Variants in APOC3 observed in about 807,000 individuals in gnomAD.
APOC3 encodes apolipoprotein C3, also known as apolipoprotein C-III.
Under a neutral mutation model 7.3 loss-of-function variants are expected in APOC3, and 6 were observed. The ratio of observed to expected loss-of-function variants is 0.82; its 90% CI spans 0.45 to 1.61. The LOEUF (loss-of-function observed/expected upper bound fraction) is 1.61, where lower values mean the gene tolerates loss of function less well. Among genes scored for constraint, APOC3 ranks in the 40% most tolerant of loss-of-function variants. The pLI is 0.01. For synonymous variants in APOC3, 45 were observed against 51.2 expected (o/e 0.88, Z 0.52); for missense variants, 123 against 124.9 (o/e 0.98, Z 0.07).
intron 3 of APOC3, among the ~76,000 whole-genome samples, chr11:116,831,954 C>T (rs375928164): frequency 2.0e-5 from 3 of 152,348 alleles, no homozygotes; most frequent in South Asian, 2.1e-4. Context: ...CCACTCACTT[C>T]GTGCTGTGCA....
At chr11:116,831,022 C>A in intron 3 of APOC3, 126 bp downstream of exon 3, 3 of 1,171,346 alleles carry the variant, frequency 2.6e-6, no homozygotes, top group Non-Finnish European at 3.6e-6. Flanking sequence ...TGTGCCTCTT[C>A]AGCCTCCTCT....
At chr11:116,831,285 T>TTC (rs1555055916) in intron 3 of APOC3, among the ~76,000 whole-genome samples, 1 of 66,286 alleles carries the variant, frequency 1.5e-5, no homozygotes, top group Non-Finnish European at 2.9e-5. Flanking sequence ...CTTTCTTTCC[T>TTC]TTCTTTCTTT....
At chr11:116,832,254 C>T (rs1941470939) in intron 3 of APOC3, among the ~76,000 whole-genome samples, 1 of 152,168 alleles carries the variant, frequency 6.6e-6, no homozygotes, top group South Asian at 2.1e-4. Flanking sequence ...TCCCCAGAAC[C>T]GGCTTTGGGG....
At chr11:116,831,189 A>ATTTC (rs1210737487) in intron 3 of APOC3, 4,023 of 147,350 alleles carry the variant, frequency 0.027, 63 homozygotes, top group Admixed American at 0.04. Context: ...TTCTCTTTCT[A>ATTTC]TTTCTTTCTT....
chr11:116,830,449 G>C, intron 1 of APOC3, 121 bp from the exon 2 acceptor site: 1 of 1,020,660 alleles, frequency 9.8e-7, no homozygotes. Context: ...GCAGGGAGCC[G>C]GCCCCTACTC....
At chr11:116,831,204 T>C (rs1941447458) in intron 3 of APOC3, 1 of 105,524 alleles carries the variant, frequency 9.5e-6, no homozygotes, top group Non-Finnish European at 2.0e-5. Context: ...TTTCTTTCTT[T>C]CTTTCTTTCT....
chr11:116,830,700 A>G lies in APOC3; in HGVS notation c.55+63A>G, dbSNP rs12721093. On this transcript the variant is annotated intron_variant, in intron 2 of 3. Coordinates refer to ENST00000227667, the MANE Select transcript of APOC3 (RefSeq NM_000040.3). ...AGGCAACTTGGGGATCCCAGTCCCAATGGGTGGTCAAGCAGGAGCCCAGGG... is the reference window on the plus strand; with the variant it reads ...AGGCAACTTGGGGATCCCAGTCCCAGTGGGTGGTCAAGCAGGAGCCCAGGG... 1,291 of 1,613,036 alleles carry G rather than the reference A, an allele frequency of 8.0e-4. 11 individuals are homozygous for G. Among genetic ancestry groups the G allele is most frequent in the Non-Finnish European group, 3.9e-4 (462 of 1,179,800 alleles).
At position 116,830,657 on chromosome 11, in the gene APOC3, G is replaced by C; in HGVS notation, c.55+20G>C. 6.2e-7 allele frequency: 1 copy of C among 1,613,776 alleles called. No individual in the cohort carries two copies. ...CTGCCCGTAAGCACTTGGTGGGACTGGGCTGGGGGCAGGGTGGAGGCAACT... is the reference window on the plus strand; with the variant it reads ...CTGCCCGTAAGCACTTGGTGGGACTCGGCTGGGGGCAGGGTGGAGGCAACT... On this transcript the variant is annotated intron_variant, in intron 2 of 3. Transcript: ENST00000227667.
At chr11:116,832,686 G>A in intron 3 of APOC3, 78 bp from the exon 4 acceptor site, 5 of 1,601,598 alleles carry the variant, frequency 3.1e-6, no homozygotes, top group South Asian at 1.1e-5. Context: ...CGTCCAGTGG[G>A]GACATGGGTG....
Position 116,832,872 on chromosome 11 carries a change from C to T in APOC3, c.288C>T (p.Ala96=), listed in dbSNP as rs144573427. Residue 96 remains alanine (A), a synonymous_variant, in exon 4 of 4, where the codon GCC becomes GCT. Transcript: ENST00000227667. ...DLDPEVRPTS[A]VAA is the part of the protein sequence containing the mutation. ...ACCCTGAGGTCAGACCAACTTCAGC[C>T]GTGGCTGCCTGAGACCTCAATACCC... is the stretch of plus-strand genomic sequence containing the variant. 1.7e-5 allele frequency: 27 copies of T among 1,613,810 alleles called. No homozygotes were observed. The highest frequency in any genetic ancestry group is 1.7e-4 in the Admixed American group (10 of 60,016).
Position 116,831,234 on chromosome 11 carries a change from TTTCTTTC to T in APOC3, c.179+341_179+347del, listed in dbSNP as rs1220121699. The T allele has an allele frequency of 2.9e-5, 5 of 174,194 alleles. No homozygotes were observed. In the South Asian group the frequency reaches 8.8e-4, roughly 31 times the overall value. 10.8% of individuals were successfully genotyped at this position (174,194 alleles called of 1,614,324 possible). A position where few individuals can be genotyped will look rare whatever the true frequency, so the allele number is the denominator to read the frequency against. On this transcript the variant is annotated intron_variant, in intron 3 of 3. Transcript: ENST00000227667. ...CTTTCTTTCTTTCTTTCTTTCTTTC[TTTCTTTC>T]TTTCTTTCTTTCTTTCCTTTCTTTC...
At chr11:116,831,943 A>G (rs896020471) in intron 3 of APOC3, among the ~76,000 whole-genome samples, 2 of 152,134 alleles carry the variant, frequency 1.3e-5, no homozygotes, top group Admixed American at 6.5e-5. Flanking sequence ...TCACTCACCC[A>G]CCACTCACTT....
In APOC3 at chr11:116,830,843, C is replaced by G; in HGVS notation, c.126C>G (p.Thr42=). The G allele has an allele frequency of 3.1e-6, 5 of 1,613,256 alleles. No individual in the cohort carries two copies. Among genetic ancestry groups the G allele is most frequent in the Non-Finnish European group, 4.2e-6 (5 of 1,179,962 alleles). Reference sequence around the variant, plus strand: ...GTTACATGAAGCACGCCACCAAGACCGCCAAGGATGCACTGAGCAGCGTGC... The same window carrying G: ...GTTACATGAAGCACGCCACCAAGACGGCCAAGGATGCACTGAGCAGCGTGC... ...MQGYMKHATK[T]AKDALSSVQE... The change falls in exon 3 of 4, where the codon ACC becomes ACG. Residue 42 remains threonine, a synonymous_variant. Coordinates refer to ENST00000227667, the MANE Select transcript of APOC3 (RefSeq NM_000040.3).
At chr11:116,831,763 G>A (rs1439601905) in intron 3 of APOC3, among the ~76,000 whole-genome samples, 4 of 152,162 alleles carry the variant, frequency 2.6e-5, no homozygotes, top group South Asian at 2.1e-4. Context: ...ATGGGCCAGC[G>A]GGGATGGTTT....
At chr11:116,832,321 G>T (rs1482019097) in intron 3 of APOC3, among the ~76,000 whole-genome samples, 1 of 152,190 alleles carries the variant, frequency 6.6e-6, no homozygotes, top group South Asian at 2.1e-4. Context: ...GCGATTAGGT[G>T]ACCTGCCCCA....
chr11:116,832,914 T>A lies in APOC3; in HGVS notation c.*30T>A, dbSNP rs1175319729. On this transcript the variant is annotated 3_prime_UTR_variant, in exon 4 of 4. Coordinates refer to ENST00000227667, the MANE Select transcript of APOC3 (RefSeq NM_000040.3). ...TCAATACCCCAAGTCCACCTGCCTA[T>A]CCATCCTGCGAGCTCCTTGGGTCCT... is the stretch of plus-strand genomic sequence containing the variant. 3 of 1,613,368 alleles carry A rather than the reference T, an allele frequency of 1.9e-6. No homozygotes were observed. The highest frequency in any genetic ancestry group is 2.5e-6 in the Non-Finnish European group (3 of 1,179,972).
At chr11:116,831,691 T>TA (rs1333689594) in intron 3 of APOC3, among the ~76,000 whole-genome samples, 2 of 152,208 alleles carry the variant, frequency 1.3e-5, no homozygotes. Context: ...AAGGTCTGGC[T>TA]AGAGCAGTGG....
At chr11:116,831,642 G>A (rs1157796184) in intron 3 of APOC3, among the ~76,000 whole-genome samples, 3 of 152,190 alleles carry the variant, frequency 2.0e-5, no homozygotes, top group Non-Finnish European at 4.4e-5. Flanking sequence ...TGGGATTACA[G>A]GCATGAGCCA....
chr11:116,830,527 G>A (rs1294106866), intron 1 of APOC3, 43 bp from the exon 2 acceptor site: 4 of 1,607,990 alleles, frequency 2.5e-6, no homozygotes, highest in Non-Finnish European at 3.4e-6. Flanking sequence ...GGGTCCAGAG[G>A]CATGGGGACC....
Sources: allele counts gnomAD v4.1 joint callset (sites outside exome capture counted in the v4.1 genomes callset), GRCh38; gene constraint gnomAD v4.1.1; transcripts MANE v1.5; gene names NCBI Gene and HGNC (gene_info 2026-07-23, HGNC 2026-07-21).